Variants in DMD observed in about 807,000 individuals in gnomAD.
The protein encoded by DMD is mutant dystrophin.
In DMD, 63 loss-of-function variants were observed where a neutral mutation model predicts 330.1. The observed-to-expected ratio is 0.19, with a 90% confidence interval of 0.16 to 0.24. The LOEUF is 0.24. Ranked by LOEUF, DMD falls within the 10% of genes least tolerant of loss-of-function variation. DMD has a pLI of 1.00. For synonymous variants in DMD, 1,223 were observed against 959.8 expected (o/e 1.27, Z -5.07); for missense variants, 3,344 against 2,684.1 (o/e 1.25, Z -5.43).
chrX:31,375,634 C>T (rs1375270103), intron 60 of DMD, among the ~76,000 whole-genome samples: 6 of 111,380 alleles, frequency 5.4e-5, no homozygotes, highest in Non-Finnish European at 9.4e-5. Flanking sequence ...TGTATAATTC[C>T]GCTTACATGA....
intron 77 of DMD, among the ~76,000 whole-genome samples, chrX:31,128,458 G>A (rs758402144): frequency 5.4e-5 from 6 of 111,938 alleles, no homozygotes; most frequent in Non-Finnish European, 7.5e-5. Context: ...AACTTGTTTC[G>A]GCATGTAACT....
intron 29 of DMD, among the ~76,000 whole-genome samples, chrX:32,418,016 T>A (rs2098172923): frequency 9.1e-6 from 1 of 110,297 alleles, no homozygotes; most frequent in Non-Finnish European, 1.9e-5. Context: ...ACACTTGCCT[T>A]CCAGAGAAAG....
Position 32,807,388 on chromosome X carries a change from T to C in DMD, c.649+2105A>G, listed in dbSNP as rs772613878. On this transcript the variant is annotated intron_variant, in intron 7 of 78. Transcript: ENST00000357033. ...ATGCTCTTTCAATTGGAAGAGTCTA[T>C]ATATAGAAAGGCTTTACAGATATGA... Among the ~76,000 whole-genome samples, 241 of 111,371 alleles carry C rather than the reference T, an allele frequency of 2.2e-3. 1 individual carries two copies. Among genetic ancestry groups the C allele is most frequent in the African/African-American group, 7.5e-3 (231 of 30,709 alleles).
At chrX:33,021,659 C>A (rs1448883903) in intron 1 of DMD, among the ~76,000 whole-genome samples, 1 of 111,228 alleles carries the variant, frequency 9.0e-6, no homozygotes, top group East Asian at 2.8e-4. Context: ...TAAGTAGATT[C>A]CTTTAGTCAA....
chrX:32,411,333 G>T lies in DMD; in HGVS notation c.4233+419C>A, dbSNP rs1057101739. On this transcript the variant is annotated intron_variant, in intron 30 of 78. Coordinates refer to ENST00000357033, the MANE Select transcript of DMD (RefSeq NM_004006.3). Reference sequence around the variant, plus strand: ...TTTAGTAGAGACAGGGTTTCACCATGTTGGCCAGGCTGGTCTTGAACTCCT... The same window carrying T: ...TTTAGTAGAGACAGGGTTTCACCATTTTGGCCAGGCTGGTCTTGAACTCCT... 6.3e-5 allele frequency among the ~76,000 whole-genome samples: 7 copies of T among 110,611 alleles called. No individual in the cohort carries two copies. The Admixed American group carries it at 6.8e-4, about 11-fold the overall frequency.
chrX:31,719,071 G>A (rs934331570), intron 52 of DMD, among the ~76,000 whole-genome samples: 4 of 111,967 alleles, frequency 3.6e-5, no homozygotes, highest in Admixed American at 1.9e-4. Flanking sequence ...CAGGATAAAG[G>A]TAGAACCTGT....
At chrX:32,839,033 T>G (rs2079913393) in intron 4 of DMD, among the ~76,000 whole-genome samples, 1 of 112,109 alleles carries the variant, frequency 8.9e-6, no homozygotes, top group Non-Finnish European at 1.9e-5. Context: ...TACTGATTTT[T>G]AAAATAACCT....
intron 48 of DMD, among the ~76,000 whole-genome samples, chrX:31,863,260 G>A (rs1442829598): frequency 3.6e-5 from 4 of 112,275 alleles, no homozygotes; most frequent in Admixed American, 9.4e-5. Context: ...GGAGAATGGC[G>A]TGAACCCAGG....
At chrX:32,059,138 T>G (rs1022488022) in intron 44 of DMD, among the ~76,000 whole-genome samples, 1 of 111,176 alleles carries the variant, frequency 9.0e-6, no homozygotes, top group African/African-American at 3.3e-5. Context: ...CTATCAGGCA[T>G]GTAGGGTTAA....
In DMD at chrX:31,620,405, C is replaced by A. The variant is rs1391604937; in HGVS notation, c.8217+7268G>T. ...ATTATGCAAAGACTTTTACTTTTTC[C>A]ATGACATAATTTTTTTTTTTTTTTT... On this transcript the variant is annotated intron_variant, in intron 55 of 78. Transcript: ENST00000357033. Among the ~76,000 whole-genome samples, 4 of 107,868 alleles carry A rather than the reference C, an allele frequency of 3.7e-5. No individual in the cohort carries two copies. In the East Asian group the frequency reaches 1.2e-3, roughly 31 times the overall value. The allele number at this position is 107,868 out of a possible 115,157, so 93.7% of individuals were successfully genotyped here.
intron 12 of DMD, among the ~76,000 whole-genome samples, chrX:32,606,190 C>A (rs769067994): frequency 9.1e-6 from 1 of 110,370 alleles, no homozygotes; most frequent in East Asian, 2.9e-4. Context: ...CCACCCTTCC[C>A]AGTCTCTGAT....
At chrX:32,294,244 T>G (rs1412860909) in intron 42 of DMD, among the ~76,000 whole-genome samples, 3 of 112,541 alleles carry the variant, frequency 2.7e-5, no homozygotes, top group Non-Finnish European at 5.6e-5. Context: ...AATGAAAGGC[T>G]GATTACTTAA....
chrX:32,275,401 A>G (rs2097382110), intron 43 of DMD, among the ~76,000 whole-genome samples: 1 of 111,793 alleles, frequency 8.9e-6, no homozygotes, highest in Non-Finnish European at 1.9e-5. Flanking sequence ...TTGATTACCA[A>G]TGTGCACTCT....
intron 1 of DMD, among the ~76,000 whole-genome samples, chrX:33,080,727 A>G (rs1167555952): frequency 9.0e-6 from 1 of 111,220 alleles, no homozygotes; most frequent in African/African-American, 3.3e-5. Context: ...ACAATTTTCC[A>G]AAGTCAAGGA....
Position 32,897,666 on chromosome X carries a change from T to C in DMD, c.94-47846A>G, listed in dbSNP as rs932563894. On this transcript the variant is annotated intron_variant, in intron 2 of 78. Transcript: ENST00000357033. ...TATGCCCAAAGGCTTATCTGGATTT[T>C]GTATTCATTTTTTCCATTTTGAAGT... Among the ~76,000 whole-genome samples, 3 of 112,661 alleles carry C rather than the reference T, an allele frequency of 2.7e-5. 1 individual carries two copies. The highest frequency in any genetic ancestry group is 8.4e-3 in the Middle Eastern group (2 of 239).
At chrX:31,681,006 TTC>T (rs1461486044) in intron 52 of DMD, among the ~76,000 whole-genome samples, 2 of 110,909 alleles carry the variant, frequency 1.8e-5, no homozygotes, top group African/African-American at 6.6e-5. Flanking sequence ...AGTTACAAAT[TTC>T]TCTCATATAT....
At chrX:32,900,424 A>T (rs1360371518) in intron 2 of DMD, among the ~76,000 whole-genome samples, 1 of 111,495 alleles carries the variant, frequency 9.0e-6, no homozygotes, top group Non-Finnish European at 1.9e-5. Flanking sequence ...TCTCAGTCTA[A>T]CCTTGAATTT....
At chrX:31,145,958 GC>G (rs1039374905) in intron 76 of DMD, among the ~76,000 whole-genome samples, 1 of 112,089 alleles carries the variant, frequency 8.9e-6, no homozygotes, top group African/African-American at 3.2e-5. Context: ...TCCACGCCCA[GC>G]CCCCTGGCAA....
At chrX:32,578,484 C>G (rs756291220) in intron 13 of DMD, among the ~76,000 whole-genome samples, 1 of 112,029 alleles carries the variant, frequency 8.9e-6, no homozygotes, top group African/African-American at 3.2e-5. Context: ...AGATCCACAA[C>G]GGGGAGGATT....
Sources: allele counts gnomAD v4.1 joint callset (sites outside exome capture counted in the v4.1 genomes callset), GRCh38; gene constraint gnomAD v4.1.1; transcripts MANE v1.5; gene names NCBI Gene and HGNC (gene_info 2026-07-23, HGNC 2026-07-21).